CCSER1: variants seen among roughly 807,000 people sequenced by gnomAD.
CCSER1 encodes serine-rich coiled-coil domain-containing protein 1.
In CCSER1, 41 loss-of-function variants were observed where a neutral mutation model predicts 82.0. The observed-to-expected ratio is 0.50, with a 90% confidence interval of 0.39 to 0.65. The LOEUF is 0.65. Ranked by LOEUF, CCSER1 falls within the 30% of genes least tolerant of loss-of-function variation. CCSER1 has a pLI of 0.00. For missense variants in CCSER1, 1,119 were observed against 1,064.2 expected (o/e 1.05, Z -0.72); for synonymous variants, 414 against 383.9 (o/e 1.08, Z -0.92).
At chr4:90,896,577 A>G (rs1016157604) in intron 8 of CCSER1, among the ~76,000 whole-genome samples, 2 of 151,978 alleles carry the variant, frequency 1.3e-5, no homozygotes, top group Non-Finnish European at 2.9e-5. Context: ...ACAGCTGGTA[A>G]TATTCATTTT....
chr4:90,254,512 A>G (rs1289190280), intron 1 of CCSER1, among the ~76,000 whole-genome samples: 1 of 151,948 alleles, frequency 6.6e-6, no homozygotes, highest in African/African-American at 2.4e-5. Context: ...TCTATGAGTA[A>G]GGCTGAGTAG....
chr4:90,187,332 T>C (rs955463150), intron 1 of CCSER1, among the ~76,000 whole-genome samples: 1 of 151,416 alleles, frequency 6.6e-6, no homozygotes, highest in African/African-American at 2.4e-5. Context: ...TCAATGACAT[T>C]GTAGATTTGA....
chr4:91,275,966 A>G (rs1742401693), intron 10 of CCSER1, among the ~76,000 whole-genome samples: 1 of 152,114 alleles, frequency 6.6e-6, no homozygotes, highest in South Asian at 2.1e-4. Flanking sequence ...TTAGTTAACT[A>G]TAAAAACATG....
At chr4:90,879,801 G>A (rs547369544) in intron 8 of CCSER1, among the ~76,000 whole-genome samples, 2 of 152,182 alleles carry the variant, frequency 1.3e-5, no homozygotes, top group East Asian at 3.9e-4. Context: ...TCTTGCATGG[G>A]TTCTTTCTCA....
At chr4:90,843,426 A>T (rs1459480562) in intron 8 of CCSER1, among the ~76,000 whole-genome samples, 2 of 152,194 alleles carry the variant, frequency 1.3e-5, no homozygotes, top group Non-Finnish European at 2.9e-5. Context: ...TCAAATGCAA[A>T]ATATTCTTAA....
chr4:91,129,084 C>T (rs116223001), intron 10 of CCSER1, among the ~76,000 whole-genome samples: 3,603 of 151,914 alleles, frequency 0.024, 68 homozygotes, highest in Non-Finnish European at 0.034. Context: ...TCTAGATGGC[C>T]GAATTTCAAG....
At chr4:90,832,763 A>G (rs139136107) in intron 8 of CCSER1, among the ~76,000 whole-genome samples, 137 of 152,292 alleles carry the variant, frequency 9.0e-4, no homozygotes, top group African/African-American at 2.9e-3. Context: ...TCCTTCTAGA[A>G]CCAAATGGTG....
intron 10 of CCSER1, among the ~76,000 whole-genome samples, chr4:91,145,641 G>C (rs936401538): frequency 6.6e-6 from 1 of 152,050 alleles, no homozygotes; most frequent in African/African-American, 2.4e-5. Flanking sequence ...TGTAATGCTT[G>C]TATAGTGGTA....
At chr4:90,535,201 T>A (rs949728700) in intron 5 of CCSER1, among the ~76,000 whole-genome samples, 2 of 152,192 alleles carry the variant, frequency 1.3e-5, no homozygotes, top group Non-Finnish European at 2.9e-5. Context: ...TGAATATTTG[T>A]GTGAATTTTT....
intron 7 of CCSER1, among the ~76,000 whole-genome samples, chr4:90,790,042 A>G (rs533154407): frequency 1.2e-4 from 19 of 152,002 alleles, no homozygotes; most frequent in Admixed American, 5.9e-4. Context: ...CTCCCTTCTC[A>G]TTTGCCTCTC....
At chr4:90,435,329 A>C (rs1236874103) in intron 4 of CCSER1, among the ~76,000 whole-genome samples, 2 of 152,106 alleles carry the variant, frequency 1.3e-5, no homozygotes, top group African/African-American at 4.8e-5. Flanking sequence ...ATATTGGGCC[A>C]TTCAATTCAA....
chr4:90,779,446 T>C (rs1402865511), intron 7 of CCSER1, among the ~76,000 whole-genome samples: 2 of 152,226 alleles, frequency 1.3e-5, no homozygotes, highest in African/African-American at 4.8e-5. Context: ...GCAATTTGAA[T>C]CTGTCCCTAG....
At chr4:90,711,681 C>A (rs1340865926) in intron 6 of CCSER1, among the ~76,000 whole-genome samples, 1 of 151,118 alleles carries the variant, frequency 6.6e-6, no homozygotes, top group African/African-American at 2.4e-5. Flanking sequence ...GGGATGCAGC[C>A]ACTTGATCAT....
intron 5 of CCSER1, among the ~76,000 whole-genome samples, chr4:90,592,954 A>G (rs1349044947): frequency 1.3e-5 from 2 of 152,202 alleles, no homozygotes. Flanking sequence ...GATCAGTAGC[A>G]GTCTATGAGA....
At chr4:90,185,230 A>G (rs1329523587) in intron 1 of CCSER1, among the ~76,000 whole-genome samples, 1 of 151,948 alleles carries the variant, frequency 6.6e-6, no homozygotes, top group Non-Finnish European at 1.5e-5. Context: ...CTTTATTTCA[A>G]CCTGCATTCA....
chr4:90,558,770 G>A (rs1778402861), intron 5 of CCSER1, among the ~76,000 whole-genome samples: 1 of 152,124 alleles, frequency 6.6e-6, no homozygotes, highest in African/African-American at 2.4e-5. Flanking sequence ...GACAAGAAAT[G>A]TGGGAATGAG....
At chr4:90,297,420 A>G (rs576527614) in intron 1 of CCSER1, among the ~76,000 whole-genome samples, 1 of 151,978 alleles carries the variant, frequency 6.6e-6, no homozygotes, top group East Asian at 1.9e-4. Flanking sequence ...TTCTAGATAT[A>G]TAATCATGTC....
chr4:91,454,335 T>G lies in CCSER1; in HGVS notation c.2218-144237T>G, dbSNP rs181872862. Among the ~76,000 whole-genome samples, 338 of 152,162 alleles carry G rather than the reference T, an allele frequency of 2.2e-3. 2 individuals carry two copies. Among genetic ancestry groups the G allele is most frequent in the Non-Finnish European group, 3.7e-3 (254 of 67,976 alleles). Reference sequence around the variant, plus strand: ...TCCTAGATCTGCATTCTTTGCATTTTGTGCTCGTGACCCCTTCCCCCATCT... The same window carrying G: ...TCCTAGATCTGCATTCTTTGCATTTGGTGCTCGTGACCCCTTCCCCCATCT... On this transcript the variant is annotated intron_variant, in intron 10 of 10. Coordinates refer to ENST00000509176, the MANE Select transcript of CCSER1 (RefSeq NM_001145065.2).
chr4:91,301,223 T>C (rs1448224791), intron 10 of CCSER1, among the ~76,000 whole-genome samples: 5 of 151,878 alleles, frequency 3.3e-5, no homozygotes, highest in African/African-American at 7.2e-5. Context: ...CATGGGTTCT[T>C]TATAGATATT....
Sources: allele counts gnomAD v4.1 joint callset (sites outside exome capture counted in the v4.1 genomes callset), GRCh38; gene constraint gnomAD v4.1.1; transcripts MANE v1.5; gene names NCBI Gene and HGNC (gene_info 2026-07-23, HGNC 2026-07-21).